The following RSF1 variants were observed in gnomAD, a reference collection of about 807,000 sequenced individuals.
The protein encoded by RSF1 is HBV pX-associated protein 8.
A neutral mutation model predicts 145.2 loss-of-function variants in RSF1; 13 were observed. That is an observed-to-expected ratio of 0.09 (90% CI 0.06 to 0.14). RSF1 has a LOEUF of 0.14. RSF1 is among the 10% of genes least tolerant of loss of function. The pLI, the probability that RSF1 is intolerant of heterozygous loss-of-function variation, is 1.00. For synonymous variants in RSF1, 577 were observed against 592.6 expected (o/e 0.97, Z 0.38); for missense variants, 1,517 against 1,718.2 (o/e 0.88, Z 2.07).
At chr11:77,756,146 T>C (rs1948113404) in intron 2 of RSF1, among the ~76,000 whole-genome samples, 2 of 151,724 alleles carry the variant, frequency 1.3e-5, no homozygotes, top group Admixed American at 1.3e-4. Context: ...TCACCTGAGG[T>C]TGGGAGTTTG....
chr11:77,718,729 G>A lies in RSF1; in HGVS notation c.733+6816C>T, dbSNP rs947715182. ...GAGAGTCATTTGCAAGCCAGGAAAA[G>A]AGCCCTCATCAGAAATCAAATTTGC... On this transcript the variant is annotated intron_variant, in intron 5 of 15. Coordinates refer to ENST00000308488, the MANE Select transcript of RSF1 (RefSeq NM_016578.4). 1.1e-4 allele frequency among the ~76,000 whole-genome samples: 17 copies of A among 152,290 alleles called. No homozygotes were observed. In the South Asian group the frequency reaches 2.5e-3, roughly 22 times the overall value.
chr11:77,853,357 C>T, the RSF1 span, among the ~76,000 whole-genome samples: 3 of 152,106 alleles, frequency 2.0e-5, no homozygotes, highest in African/African-American at 7.2e-5. Flanking sequence ...AGGAAACTTA[C>T]AATCATGGCA....
At chr11:77,672,658 C>CA (rs2135813250) in intron 14 of RSF1, among the ~76,000 whole-genome samples, 1 of 151,504 alleles carries the variant, frequency 6.6e-6, no homozygotes, top group East Asian at 2.0e-4. Context: ...GGTGAATCCT[C>CA]AAGATTAGAA....
chr11:77,820,690 C>T lies in RSF1; in HGVS notation c.25G>A (p.Ala9Thr). The change falls in exon 1 of 16, where the codon GCG becomes ACG. Residue 9 changes from alanine (A) to threonine (T), a missense_variant. By Grantham distance (58) the Ala-to-Thr change is moderately conservative (BLOSUM62 0). Around this residue, in one of 12 missense-constraint regions of RSF1, gnomAD observed 85 missense variants for 91.8 expected, o/e 0.93. Coordinates refer to ENST00000308488, the MANE Select transcript of RSF1 (RefSeq NM_016578.4). MATAAAAA[A>T]VMAPPGCPGS... ...GGGCAGCCCGGAGGAGCCATCACCG[C>T]CGCCGCTGCCGCCGCCGTCGCCATT... The T allele has an allele frequency of 6.5e-7, 1 of 1,549,960 alleles. No individual in the cohort carries two copies.
chr11:77,842,624 C>G, the RSF1 span: 1 of 1,613,706 alleles, frequency 6.2e-7, no homozygotes, highest in Non-Finnish European at 8.5e-7. Context: ...GAAACAGGAA[C>G]TGAGGTAAGA....
At chr11:77,724,086 G>A (rs555750736) in intron 5 of RSF1, among the ~76,000 whole-genome samples, 3 of 152,116 alleles carry the variant, frequency 2.0e-5, no homozygotes, top group African/African-American at 7.2e-5. Flanking sequence ...AGAAAAAATG[G>A]ACAAAAAACT....
intron 1 of RSF1, among the ~76,000 whole-genome samples, chr11:77,774,384 C>T (rs921229827): frequency 2.0e-5 from 3 of 151,566 alleles, no homozygotes; most frequent in East Asian, 1.9e-4. Flanking sequence ...AGGCAGATCA[C>T]GAGGTCAGGA....
chr11:77,667,420 C>T lies in RSF1; in HGVS notation c.3823G>A (p.Gly1275Ser), dbSNP rs1256818755. 6 of 1,613,726 alleles carry T rather than the reference C, an allele frequency of 3.7e-6. No individual in the cohort carries two copies. The highest frequency in any genetic ancestry group is 3.3e-5 in the Admixed American group (2 of 60,008). Residue 1275 changes from glycine (G) to serine (S), a missense_variant, in exon 16 of 16, where the codon GGC (glycine) becomes AGC (serine). Coordinates refer to ENST00000308488, the MANE Select transcript of RSF1 (RefSeq NM_016578.4). Reference protein sequence around the residue: ...KESKRSVRKRGRSTDEYSEAD... With the variant: ...KESKRSVRKRSRSTDEYSEAD... ...TCTGAATACTCGTCTGTGCTTCGGC[C>T]CCGCTTTCGAACTGACCGCTTTGAT...
At chr11:77,852,913 T>C in the RSF1 span, among the ~76,000 whole-genome samples, 2 of 152,218 alleles carry the variant, frequency 1.3e-5, no homozygotes, top group Non-Finnish European at 2.9e-5. Flanking sequence ...ACTTTGTGAA[T>C]GTAATATTGT....
chr11:77,740,273 G>A (rs575565332), intron 4 of RSF1, among the ~76,000 whole-genome samples: 1 of 152,364 alleles, frequency 6.6e-6, no homozygotes, highest in Admixed American at 6.5e-5. Context: ...TACTTGGGAG[G>A]CTGAGGCAGG....
chr11:77,816,201 A>C (rs921315631), intron 1 of RSF1, among the ~76,000 whole-genome samples: 3 of 152,228 alleles, frequency 2.0e-5, no homozygotes, highest in Non-Finnish European at 4.4e-5. Context: ...ACTACTATTA[A>C]TGTATGTATG....
chr11:77,695,985 G>A (rs1264484411), intron 7 of RSF1, among the ~76,000 whole-genome samples: 1 of 152,042 alleles, frequency 6.6e-6, no homozygotes, highest in African/African-American at 2.4e-5. Context: ...CCTGTACCAT[G>A]GGGGTGGGAG....
chr11:77,779,348 T>C lies in RSF1; in HGVS notation c.188-14659A>G, dbSNP rs531910545. Among the ~76,000 whole-genome samples the C allele has an allele frequency of 2.6e-5, 4 of 152,020 alleles. No individual in the cohort carries two copies. The South Asian group carries it at 6.3e-4, about 24-fold the overall frequency. On this transcript the variant is annotated intron_variant, in intron 1 of 15. Coordinates refer to ENST00000308488, the MANE Select transcript of RSF1 (RefSeq NM_016578.4). ...TTAGCCTCCCTAGTAGCTAGGACTA[T>C]AGGCACACCACTATGCCTTGCTATT...
chr11:77,721,816 C>CTGAATGAA (rs35570270), intron 5 of RSF1, among the ~76,000 whole-genome samples: 10 of 152,066 alleles, frequency 6.6e-5, no homozygotes, highest in Admixed American at 5.2e-4. Flanking sequence ...TAAGTATTCA[C>CTGAATGAA]TGAATGAATG....
chr11:77,704,157 T>C (rs936712159), intron 5 of RSF1, among the ~76,000 whole-genome samples: 6 of 152,092 alleles, frequency 3.9e-5, no homozygotes, highest in African/African-American at 1.4e-4. Context: ...AGCCGGGGCA[T>C]GGTGGTGTGT....
chr11:77,704,008 C>G (rs1960484186), intron 5 of RSF1, among the ~76,000 whole-genome samples: 1 of 152,120 alleles, frequency 6.6e-6, no homozygotes. Context: ...AAAATAACTT[C>G]AACTGCCACG....
rs566831900 is a variant in RSF1 at position 77,683,411 on chromosome 11, T to C, written c.3065+299A>G. On this transcript the variant is annotated intron_variant, in intron 11 of 15. Transcript: ENST00000308488. ...TGGAAAGGATCACTCTGCTCTAAAA[T>C]TATATGACTAGGCCGGGCGCGGTGG... 1.5e-4 allele frequency among the ~76,000 whole-genome samples: 22 copies of C among 151,456 alleles called. No homozygotes were observed. The South Asian group carries it at 4.4e-3, about 30-fold the overall frequency.
the RSF1 span, among the ~76,000 whole-genome samples, chr11:77,847,881 G>A: frequency 9.5e-4 from 145 of 152,196 alleles, no homozygotes; most frequent in African/African-American, 3.4e-3. Flanking sequence ...TAAAAACCCC[G>A]GGAGCTGAAG....
chr11:77,730,989 C>T (rs1479525286), intron 4 of RSF1, among the ~76,000 whole-genome samples: 1 of 151,930 alleles, frequency 6.6e-6, no homozygotes, highest in Non-Finnish European at 1.5e-5. Flanking sequence ...TGAAAAGGTA[C>T]CTGAAAATGT....
Sources: gnomAD v4.1 joint callset for allele counts (sites outside exome capture counted in the v4.1 genomes callset) on GRCh38, gnomAD v4.1.1 for gene constraint, gnomAD v4.1.1 regional missense constraint, MANE v1.5 for transcripts, NCBI Gene and HGNC (gene_info 2026-07-23, HGNC 2026-07-21) for gene names.